Variants in OXR1 observed in about 807,000 individuals in gnomAD.
The protein encoded by OXR1 is oxidation resistance protein 1.
In OXR1, 41 loss-of-function variants were observed where a neutral mutation model predicts 104.6. That is an observed-to-expected ratio of 0.39 (90% CI 0.31 to 0.51). The LOEUF (loss-of-function observed/expected upper bound fraction) is 0.51, where lower values mean the gene tolerates loss of function less well. Ranked by LOEUF, OXR1 falls within the 20% of genes least tolerant of loss-of-function variation. The pLI, the probability that OXR1 is intolerant of heterozygous loss-of-function variation, is 0.77. For synonymous variants in OXR1, 348 were observed against 348.4 expected, an observed-to-expected ratio of 1.00 and a Z score of 0.01; for missense variants, 955 against 1,031.9, an observed-to-expected ratio of 0.93 and a Z score of 1.02.
intron 2 of OXR1, among the ~76,000 whole-genome samples, chr8:106,510,638 C>A (rs1487121467): frequency 6.6e-6 from 1 of 152,046 alleles, no homozygotes; most frequent in African/African-American, 2.4e-5. Context: ...TATTATTATT[C>A]TTTATACTGG....
At chr8:106,333,583 T>C (rs892973344) in intron 1 of OXR1, among the ~76,000 whole-genome samples, 2 of 152,102 alleles carry the variant, frequency 1.3e-5, no homozygotes, top group African/African-American at 4.8e-5. Context: ...ATTATACCTA[T>C]GTTTTCTTCT....
chr8:106,707,016 G>A lies in OXR1; in HGVS notation c.1495G>A (p.Ala499Thr). Residue 499 changes from alanine (A) to threonine (T), a missense_variant, in exon 9 of 17, where the codon GCA becomes ACA. Ala to Thr is a moderately conservative substitution (Grantham distance 58). Transcript: ENST00000517566. The part of the protein sequence containing the change: ...KEQNQDSQTE[A>T]EELRKLWKTH... ...GCAAAATCAGGACTCACAGACAGAGGCAGAAGAGCTACGCAAACTTTGGAA... is the reference window on the plus strand; with the variant it reads ...GCAAAATCAGGACTCACAGACAGAGACAGAAGAGCTACGCAAACTTTGGAA... 1.2e-6 allele frequency: 2 copies of A among 1,613,912 alleles called. No individual in the cohort carries two copies. Among genetic ancestry groups the A allele is most frequent in the Non-Finnish European group, 1.7e-6 (2 of 1,179,956 alleles).
intron 3 of OXR1, among the ~76,000 whole-genome samples, chr8:106,661,872 A>T (rs1027063812): frequency 1.3e-5 from 2 of 152,168 alleles, no homozygotes; most frequent in Non-Finnish European, 2.9e-5. Context: ...TCCCATTCCA[A>T]GTTAGGTTGG....
intron 2 of OXR1, among the ~76,000 whole-genome samples, chr8:106,455,614 A>G (rs1225926581): frequency 6.6e-6 from 1 of 152,190 alleles, no homozygotes; most frequent in African/African-American, 2.4e-5. Context: ...AGTTGCCAAC[A>G]AAGGAACAGG....
At chr8:106,698,269 TTA>T (rs748089124) in intron 7 of OXR1, among the ~76,000 whole-genome samples, 7 of 152,244 alleles carry the variant, frequency 4.6e-5, no homozygotes, top group Non-Finnish European at 8.8e-5. Flanking sequence ...TGCATTATTT[TTA>T]TGTTTGGTGT....
intron 1 of OXR1, among the ~76,000 whole-genome samples, chr8:106,336,953 G>A (rs968917947): frequency 6.6e-6 from 1 of 152,124 alleles, no homozygotes; most frequent in Non-Finnish European, 1.5e-5. Flanking sequence ...ATTATGATAG[G>A]ATATTTAAGC....
intron 3 of OXR1, among the ~76,000 whole-genome samples, chr8:106,610,763 C>T (rs536281440): frequency 1.3e-5 from 2 of 152,220 alleles, no homozygotes; most frequent in South Asian, 2.1e-4. Context: ...TGACATTATT[C>T]GAAGAAACAA....
intron 15 of OXR1, 73 bp downstream of exon 15, chr8:106,742,390 T>C: frequency 1.3e-6 from 1 of 780,748 alleles, no homozygotes; most frequent in East Asian, 2.7e-5. Flanking sequence ...ATTTATAGAT[T>C]CAGTGCTATT....
At chr8:106,293,972 T>A (rs1812867450) in intron 1 of OXR1, among the ~76,000 whole-genome samples, 1 of 69,412 alleles carries the variant, frequency 1.4e-5, no homozygotes. Context: ...TTAATTTTTT[T>A]TTTTTTTTTT....
At chr8:106,442,747 G>C (rs1364807930) in intron 2 of OXR1, among the ~76,000 whole-genome samples, 3 of 152,082 alleles carry the variant, frequency 2.0e-5, no homozygotes, top group African/African-American at 7.2e-5. Context: ...GTATTTCTGT[G>C]GGGTCAGTGG....
intron 3 of OXR1, among the ~76,000 whole-genome samples, chr8:106,622,769 T>A (rs973825228): frequency 1.3e-5 from 2 of 152,222 alleles, no homozygotes; most frequent in Non-Finnish European, 2.9e-5. Flanking sequence ...CTGCTTTTTT[T>A]CTTTTTCTCC....
intron 11 of OXR1, among the ~76,000 whole-genome samples, chr8:106,727,220 A>G (rs1833431354): frequency 6.8e-6 from 1 of 148,032 alleles, no homozygotes; most frequent in African/African-American, 2.6e-5. Flanking sequence ...ACCAAGAACA[A>G]TGAAGCTATT....
intron 3 of OXR1, among the ~76,000 whole-genome samples, chr8:106,652,595 A>G (rs535129996): frequency 3.0e-4 from 46 of 151,504 alleles, no homozygotes; most frequent in African/African-American, 1.1e-3. Context: ...ATATACCAAA[A>G]TTTGTGGGAC....
chr8:106,580,849 A>G (rs1818175883), intron 3 of OXR1: 2 of 286,210 alleles, frequency 7.0e-6, no homozygotes, highest in Non-Finnish European at 1.0e-5. Flanking sequence ...TGCAGGGCCA[A>G]TATATTTAAA....
intron 1 of OXR1, among the ~76,000 whole-genome samples, chr8:106,277,567 G>A (rs1192563654): frequency 6.6e-6 from 1 of 152,224 alleles, no homozygotes; most frequent in East Asian, 1.9e-4. Flanking sequence ...CATGATTCAT[G>A]ACTGTGTAAG....
chr8:106,726,280 C>T, intron 11 of OXR1: 3 of 1,526,680 alleles, frequency 2.0e-6, no homozygotes, highest in Non-Finnish European at 2.6e-6. Context: ...AGGGAGAAGA[C>T]ATCAACCAAT....
intron 7 of OXR1, among the ~76,000 whole-genome samples, chr8:106,693,739 A>G (rs1463638573): frequency 4.6e-5 from 7 of 151,970 alleles, no homozygotes; most frequent in African/African-American, 9.7e-5. Flanking sequence ...CCCAGAATCT[A>G]TTTTGTCTGC....
intron 2 of OXR1, among the ~76,000 whole-genome samples, chr8:106,492,395 A>G (rs1456941629): frequency 2.0e-5 from 3 of 152,218 alleles, no homozygotes; most frequent in Non-Finnish European, 2.9e-5. Context: ...TTTGTGTCCA[A>G]TAGCCTCAGA....
intron 3 of OXR1, among the ~76,000 whole-genome samples, chr8:106,570,163 C>A (rs957586308): frequency 1.5e-4 from 23 of 152,128 alleles, no homozygotes; most frequent in African/African-American, 5.3e-4. Context: ...CTTATGTTCT[C>A]TGACTTTGAC....
Sources: gnomAD v4.1 joint callset for allele counts (sites outside exome capture counted in the v4.1 genomes callset) on GRCh38, gnomAD v4.1.1 for gene constraint, MANE v1.5 for transcripts, NCBI Gene and HGNC (gene_info 2026-07-23, HGNC 2026-07-21) for gene names.